Variants in GATB observed in about 807,000 individuals in gnomAD.
GATB encodes glutamyl-tRNA(Gln) amidotransferase subunit B, mitochondrial.
Under a neutral mutation model 62.3 loss-of-function variants are expected in GATB, and 39 were observed. That is an observed-to-expected ratio of 0.63 (90% CI 0.48 to 0.82). GATB has a LOEUF of 0.82. Ranked by LOEUF, GATB falls within the 40% of genes least tolerant of loss-of-function variation. The probability of loss-of-function intolerance (pLI) is 0.00; values close to 1 mark genes in which losing one functional copy is unlikely to be tolerated. For missense variants in GATB, 670 were observed against 684.0 expected (o/e 0.98, Z 0.23); for synonymous variants, 276 against 258.9 (o/e 1.07, Z -0.63).
chr4:151,678,438 TCTCTC>T (rs1250744224), intron 11 of GATB, among the ~76,000 whole-genome samples: 1 of 28,820 alleles, frequency 3.5e-5, no homozygotes, highest in Non-Finnish European at 5.7e-5. Context: ...AATGTGTTCT[TCTCTC>T]TCTCTCTCTC....
rs764630851 is a variant in GATB, at chr4:151,672,742, C to A, written c.1545+20G>T. 6.2e-7 allele frequency: 1 copy of A among 1,612,170 alleles called. No individual in the cohort carries two copies. The highest frequency in any genetic ancestry group is 8.5e-7 in the Non-Finnish European group (1 of 1,178,932). On this transcript the variant is annotated intron_variant, in intron 12 of 12. Coordinates refer to ENST00000263985, the MANE Select transcript of GATB (RefSeq NM_004564.3). ...GTCCTGGGGCTGGCTCTGGCCCTCT[C>A]CCCTGCCCGAGATAGTCACCACTTG...
At chr4:151,736,988 G>A (rs1376576997) in intron 2 of GATB, among the ~76,000 whole-genome samples, 1 of 152,176 alleles carries the variant, frequency 6.6e-6, no homozygotes, top group East Asian at 1.9e-4. Context: ...TCTCAGGTAT[G>A]TCTTTATCAG....
At chr4:151,719,876 C>T (rs1738993659) in intron 2 of GATB, 1 of 190,342 alleles carries the variant, frequency 5.3e-6, no homozygotes, top group Admixed American at 6.4e-5. Flanking sequence ...TCTAATCTCA[C>T]TCCCTCTACA....
intron 9 of GATB, among the ~76,000 whole-genome samples, chr4:151,699,520 T>A (rs552325642): frequency 6.6e-6 from 1 of 152,276 alleles, no homozygotes; most frequent in East Asian, 1.9e-4. Context: ...CCTACTAGGT[T>A]TGGGCACCAT....
intron 7 of GATB, among the ~76,000 whole-genome samples, chr4:151,704,630 T>C (rs1361784732): frequency 2.0e-5 from 3 of 151,152 alleles, no homozygotes; most frequent in Non-Finnish European, 4.4e-5. Flanking sequence ...ATTTTTTGTA[T>C]TTTTAGTAGA....
chr4:151,705,817 T>C (rs1045638229), intron 6 of GATB, among the ~76,000 whole-genome samples: 2 of 152,170 alleles, frequency 1.3e-5, no homozygotes, highest in African/African-American at 2.4e-5. Context: ...ACAACCACAA[T>C]TGCTAAGCTG....
chr4:151,705,150 G>T, intron 7 of GATB, 35 bp downstream of exon 7: 1 of 1,490,568 alleles, frequency 6.7e-7, no homozygotes, highest in Non-Finnish European at 9.4e-7. Context: ...CACCACCCCC[G>T]GCTGTGGTCA....
chr4:151,711,176 T>C (rs1483680643), intron 5 of GATB, among the ~76,000 whole-genome samples: 2 of 152,216 alleles, frequency 1.3e-5, no homozygotes, highest in Non-Finnish European at 2.9e-5. Context: ...AACAGCATCA[T>C]CTTCCATCTG....
chr4:151,709,748 G>C (rs573122534), intron 5 of GATB, among the ~76,000 whole-genome samples: 76 of 146,646 alleles, frequency 5.2e-4, no homozygotes, highest in African/African-American at 1.9e-3. Flanking sequence ...TCCAGGGACT[G>C]GCAATGTGGC....
At chr4:151,696,649 CT>C (rs1738475177) in intron 9 of GATB, among the ~76,000 whole-genome samples, 1 of 152,158 alleles carries the variant, frequency 6.6e-6, no homozygotes, top group South Asian at 2.1e-4. Flanking sequence ...CAGAGGGTTG[CT>C]GTAAGGATAG....
At chr4:151,697,552 C>T (rs1294825900) in intron 9 of GATB, among the ~76,000 whole-genome samples, 2 of 151,742 alleles carry the variant, frequency 1.3e-5, no homozygotes, top group Non-Finnish European at 2.9e-5. Context: ...CACTGTAAGT[C>T]CAGACTTACA....
Position 151,719,061 on chromosome 4 carries a change from T to C in GATB, c.441+364A>G, listed in dbSNP as rs529928650. On this transcript the variant is annotated intron_variant, in intron 3 of 12. Coordinates refer to ENST00000263985, the MANE Select transcript of GATB (RefSeq NM_004564.3). ...TTCGCTCTCGCTCTGCTGACAGAACTACAGTATGCATTTACTGTTGCATCA... is the reference window on the plus strand; with the variant it reads ...TTCGCTCTCGCTCTGCTGACAGAACCACAGTATGCATTTACTGTTGCATCA... Among the ~76,000 whole-genome samples, 4 of 152,376 alleles carry C rather than the reference T, an allele frequency of 2.6e-5. No homozygotes were observed. In the South Asian group the frequency reaches 8.3e-4, roughly 32 times the overall value.
intron 8 of GATB, 26 bp downstream of exon 8, chr4:151,703,825 G>T: frequency 1.3e-6 from 2 of 1,491,928 alleles, no homozygotes; most frequent in Non-Finnish European, 1.9e-6. Context: ...GATATATAGC[G>T]GTATTTTGCC....
intron 10 of GATB, among the ~76,000 whole-genome samples, chr4:151,682,209 C>T (rs1738154146): frequency 1.3e-5 from 2 of 152,162 alleles, no homozygotes; most frequent in African/African-American, 4.8e-5. Flanking sequence ...CCCTACGATG[C>T]CTGTCACACA....
intron 11 of GATB, 193 bp from the exon 12 acceptor site, chr4:151,673,089 C>T (rs1190342167): frequency 3.2e-6 from 2 of 624,186 alleles, no homozygotes; most frequent in South Asian, 2.2e-5. Flanking sequence ...TGAGGCATCC[C>T]TGAGTGCAGG....
At position 151,679,715 on chromosome 4, in the gene GATB, T is replaced by C. The variant is rs966672865; in HGVS notation, c.1410+98A>G. On this transcript the variant is annotated intron_variant, in intron 11 of 12. Transcript: ENST00000263985. ...AACACCACTACTGGCATTTAATACT[T>C]CCATGATGAAAGTCACTCAGTGATG... 9 of 981,264 alleles carry C rather than the reference T, an allele frequency of 9.2e-6. No individual in the cohort carries two copies. In the African/African-American group the frequency reaches 1.3e-4, roughly 14 times the overall value. The allele number at this position is 981,264 out of a possible 1,614,324, so 60.8% of individuals were successfully genotyped here.
chr4:151,706,165 A>C (rs934504702), intron 6 of GATB, among the ~76,000 whole-genome samples: 1 of 152,210 alleles, frequency 6.6e-6, no homozygotes, highest in African/African-American at 2.4e-5. Context: ...GATGATGGCT[A>C]AATGGCCTGA....
intron 10 of GATB, among the ~76,000 whole-genome samples, chr4:151,686,101 A>G (rs974940797): frequency 2.6e-5 from 4 of 152,148 alleles, no homozygotes; most frequent in African/African-American, 9.7e-5. Context: ...AGATGCCACA[A>G]GAGTTCAGGA....
At chr4:151,706,139 T>G (rs981369165) in intron 6 of GATB, among the ~76,000 whole-genome samples, 1 of 152,212 alleles carries the variant, frequency 6.6e-6, no homozygotes, top group Admixed American at 6.5e-5. Flanking sequence ...TCCAGTGATC[T>G]CTTTGGTTGA....
Sources: allele counts gnomAD v4.1 joint callset (sites outside exome capture counted in the v4.1 genomes callset), GRCh38; gene constraint gnomAD v4.1.1; transcripts MANE v1.5; gene names NCBI Gene and HGNC (gene_info 2026-07-23, HGNC 2026-07-21).